The following DTNA variants were observed in gnomAD, a reference collection of about 807,000 sequenced individuals.
DTNA encodes the protein dystrobrevin alpha.
In DTNA, 43 loss-of-function variants were observed where a neutral mutation model predicts 100.7. The ratio of observed to expected loss-of-function variants is 0.43; its 90% CI spans 0.33 to 0.55. The LOEUF is 0.55. Among genes scored for constraint, DTNA ranks in the 20% least tolerant of loss-of-function variants. DTNA has a pLI of 0.04. For missense variants in DTNA, 798 were observed against 953.9 expected (o/e 0.84, Z 2.15); for synonymous variants, 349 against 347.9 (o/e 1.00, Z -0.04).
At chr18:34,786,494 A>G (rs1419024036) in intron 3 of DTNA, among the ~76,000 whole-genome samples, 1 of 152,088 alleles carries the variant, frequency 6.6e-6, no homozygotes, top group African/African-American at 2.4e-5. Context: ...TGCTATGGGG[A>G]TTCCTGCATA....
chr18:34,530,682 C>A (rs1046163620), intron 1 of DTNA, among the ~76,000 whole-genome samples: 1 of 152,092 alleles, frequency 6.6e-6, no homozygotes, highest in Admixed American at 6.6e-5. Context: ...ACCCCTCCAA[C>A]AGTGCTTTGA....
At chr18:34,762,126 A>T (rs2093210942) in intron 2 of DTNA, among the ~76,000 whole-genome samples, 1 of 152,166 alleles carries the variant, frequency 6.6e-6, no homozygotes, top group South Asian at 2.1e-4. Context: ...TGCCCTGCTG[A>T]TTTTATTTCT....
intron 1 of DTNA, among the ~76,000 whole-genome samples, chr18:34,636,054 A>G (rs2058636801): frequency 6.6e-6 from 1 of 152,234 alleles, no homozygotes; most frequent in African/African-American, 2.4e-5. Context: ...TGTGCACACA[A>G]TATATTCTTC....
chr18:34,753,357 A>ATTTATTTTATTTTAT (rs1568412298), intron 1 of DTNA, among the ~76,000 whole-genome samples: 19 of 2,018 alleles, frequency 9.4e-3, no homozygotes, highest in African/African-American at 0.019. Flanking sequence ...TTATTTATTT[A>ATTTATTTTATTTTAT]TTTATTTTAT....
At chr18:34,613,951 A>G (rs558392487) in intron 1 of DTNA, among the ~76,000 whole-genome samples, 1 of 152,362 alleles carries the variant, frequency 6.6e-6, no homozygotes, top group South Asian at 2.1e-4. Context: ...TAGGATTATC[A>G]TAGCTAGAGA....
chr18:34,823,785 A>C (rs2095787495), intron 9 of DTNA, among the ~76,000 whole-genome samples: 1 of 152,196 alleles, frequency 6.6e-6, no homozygotes. Context: ...TGTCACAAAA[A>C]TATCCCAGTC....
At position 34,879,647 on chromosome 18, in the gene DTNA, T is replaced by A; in HGVS notation, c.2090T>A (p.Leu697Gln). ...TCACCAACCTCTGAAAAGGCTTTTC[T>A]AGCGCAAATCCATGCCCGAAAACCT... is the stretch of plus-strand genomic sequence containing the variant. The part of the protein sequence containing the change: ...VPSPTSEKAF[L>Q]AQIHARKPGY... Residue 697 changes from leucine (L) to glutamine (Q), a missense_variant, in exon 20 of 23, where the codon CTA becomes CAA. Physicochemically the swap from Leu to Gln is moderately radical, Grantham distance 113. This residue lies in a region of DTNA where 242 missense variants were observed against 238.2 expected (regional missense o/e 1.02). Transcript: ENST00000444659. 1.2e-6 allele frequency: 2 copies of A among 1,614,110 alleles called. No homozygotes were observed. The highest frequency in any genetic ancestry group is 1.7e-6 in the Non-Finnish European group (2 of 1,179,990).
intron 1 of DTNA, among the ~76,000 whole-genome samples, chr18:34,638,404 T>A (rs1477142362): frequency 6.6e-6 from 1 of 152,200 alleles, no homozygotes; most frequent in Non-Finnish European, 1.5e-5. Flanking sequence ...GATACGATAT[T>A]TAACTAATTT....
At chr18:34,592,467 AAC>A (rs3078085) in intron 1 of DTNA, among the ~76,000 whole-genome samples, 23,450 of 139,304 alleles carry the variant, frequency 0.17, 2,076 homozygotes, top group Admixed American at 0.23. Context: ...ACACTTGTAT[AAC>A]ACACACACAC....
At chr18:34,721,837 G>C (rs1329645420) in intron 1 of DTNA, among the ~76,000 whole-genome samples, 1 of 152,098 alleles carries the variant, frequency 6.6e-6, no homozygotes, top group African/African-American at 2.4e-5. Context: ...TTGCCCTTGA[G>C]TTTAGTTATC....
rs981697695 is a variant in DTNA at position 34,501,279 on chromosome 18, A to G, written c.-2+7765A>G. On this transcript the variant is annotated intron_variant, in intron 1 of 19. Transcript: ENST00000283365. ...GGAGTACATTGATCAATTTTTAACT[A>G]TTGGACCAGCCTTGCATCCTTGCAA... Among the ~76,000 whole-genome samples the G allele has an allele frequency of 2.6e-5, 4 of 152,290 alleles. No individual in the cohort carries two copies. In the East Asian group the frequency reaches 7.7e-4, roughly 29 times the overall value.
intron 1 of DTNA, among the ~76,000 whole-genome samples, chr18:34,590,070 G>A (rs973927294): frequency 1.3e-5 from 2 of 152,190 alleles, no homozygotes; most frequent in South Asian, 2.1e-4. Flanking sequence ...GAGCATGGAA[G>A]TACAGATACC....
intron 1 of DTNA, among the ~76,000 whole-genome samples, chr18:34,746,008 A>G (rs1276712153): frequency 1.3e-5 from 2 of 152,162 alleles, no homozygotes; most frequent in Non-Finnish European, 2.9e-5. Context: ...TAGCTCAGTC[A>G]CTTGAAAAAA....
intron 1 of DTNA, among the ~76,000 whole-genome samples, chr18:34,675,062 C>T (rs191524266): frequency 6.6e-6 from 1 of 152,166 alleles, no homozygotes; most frequent in Non-Finnish European, 1.5e-5. Flanking sequence ...GGTAAAATTA[C>T]ATAATAGAAT....
chr18:34,782,206 A>G (rs1158700703), intron 3 of DTNA, among the ~76,000 whole-genome samples: 2 of 152,226 alleles, frequency 1.3e-5, no homozygotes, highest in African/African-American at 4.8e-5. Context: ...GGTATTATGC[A>G]GAGTTGAGAG....
chr18:34,828,383 C>A (rs893160805), intron 10 of DTNA, among the ~76,000 whole-genome samples: 6 of 152,108 alleles, frequency 3.9e-5, no homozygotes, highest in African/African-American at 1.4e-4. Context: ...ATGGAGAAGG[C>A]TCACGGGAAA....
At chr18:34,521,980 G>A (rs2145237716) in intron 1 of DTNA, among the ~76,000 whole-genome samples, 1 of 152,294 alleles carries the variant, frequency 6.6e-6, no homozygotes, top group African/African-American at 2.4e-5. Context: ...ACCTGGCACA[G>A]AGCTGAGGTT....
At chr18:34,722,603 A>G (rs1361653611) in intron 1 of DTNA, among the ~76,000 whole-genome samples, 2 of 149,776 alleles carry the variant, frequency 1.3e-5, no homozygotes, top group Non-Finnish European at 3.0e-5. Context: ...ATATATATAT[A>G]CATACACACA....
intron 1 of DTNA, among the ~76,000 whole-genome samples, chr18:34,580,943 C>G (rs975163058): frequency 6.6e-6 from 1 of 152,168 alleles, no homozygotes; most frequent in African/African-American, 2.4e-5. Flanking sequence ...TGTCCACTTG[C>G]AACTGTTGAA....
Sources: allele counts gnomAD v4.1 joint callset (sites outside exome capture counted in the v4.1 genomes callset), GRCh38; gene constraint gnomAD v4.1.1; regional missense constraint gnomAD v4.1.1; transcripts MANE v1.5; gene names NCBI Gene and HGNC (gene_info 2026-07-23, HGNC 2026-07-21).